Variants in GSK3B observed in about 807,000 individuals in gnomAD.
GSK3B encodes glycogen synthase kinase-3 beta.
A neutral mutation model predicts 56.4 loss-of-function variants in GSK3B; 15 were observed. The ratio of observed to expected loss-of-function variants is 0.27; its 90% CI spans 0.18 to 0.41. GSK3B has a LOEUF of 0.41. Among genes scored for constraint, GSK3B ranks in the 10% least tolerant of loss-of-function variants. GSK3B has a pLI of 1.00. For missense variants in GSK3B, 300 were observed against 513.4 expected (o/e 0.58, Z 4.02); for synonymous variants, 181 against 188.9 (o/e 0.96, Z 0.34).
chr3:119,977,268 T>G (rs575693686), intron 2 of GSK3B, among the ~76,000 whole-genome samples: 2 of 152,208 alleles, frequency 1.3e-5, no homozygotes, highest in Non-Finnish European at 2.9e-5. Flanking sequence ...AATGAAACTT[T>G]GTATGAAAAC....
intron 10 of GSK3B, among the ~76,000 whole-genome samples, chr3:119,833,697 T>G (rs1311085866): frequency 6.8e-6 from 1 of 146,158 alleles, no homozygotes; most frequent in Non-Finnish European, 1.5e-5. Flanking sequence ...GTTGTTTTTT[T>G]TTTTTTTTTT....
At chr3:119,996,272 T>C (rs1004239595) in intron 2 of GSK3B, among the ~76,000 whole-genome samples, 1 of 152,208 alleles carries the variant, frequency 6.6e-6, no homozygotes, top group African/African-American at 2.4e-5. Flanking sequence ...GTACATCTTC[T>C]CCATCAAAAC....
chr3:120,056,260 G>A (rs1435595450), intron 1 of GSK3B, among the ~76,000 whole-genome samples: 1 of 152,174 alleles, frequency 6.6e-6, no homozygotes, highest in Non-Finnish European at 1.5e-5. Flanking sequence ...TTTCTAAGAT[G>A]GCAAAGATCT....
chr3:119,979,127 T>C (rs1354278690), intron 2 of GSK3B, among the ~76,000 whole-genome samples: 1 of 152,166 alleles, frequency 6.6e-6, no homozygotes, highest in African/African-American at 2.4e-5. Context: ...CAAAACACAT[T>C]AGATAATGGC....
chr3:119,977,998 G>A (rs75313599), intron 2 of GSK3B, among the ~76,000 whole-genome samples: 3,944 of 152,084 alleles, frequency 0.026, 175 homozygotes, highest in African/African-American at 0.089. Flanking sequence ...TATTAGTACC[G>A]TCCCCATTTT....
intron 2 of GSK3B, among the ~76,000 whole-genome samples, chr3:119,973,196 G>A (rs183059251): frequency 3.3e-5 from 5 of 152,142 alleles, no homozygotes; most frequent in South Asian, 2.1e-4. Context: ...CTCCTTACCC[G>A]CACTTTCGCT....
intron 2 of GSK3B, among the ~76,000 whole-genome samples, chr3:119,992,503 A>ATAAC (rs1279816892): frequency 1.3e-5 from 2 of 152,240 alleles, no homozygotes; most frequent in African/African-American, 4.8e-5. Flanking sequence ...CTGAACCCTG[A>ATAAC]TAACTACTAG....
intron 1 of GSK3B, among the ~76,000 whole-genome samples, chr3:120,006,385 A>T (rs140288117): frequency 0.015 from 2,298 of 152,288 alleles, 57 homozygotes; most frequent in African/African-American, 0.051. Context: ...GATACTCAGG[A>T]CTTGAACTCA....
chr3:119,900,445 T>C (rs2056613818), intron 7 of GSK3B, among the ~76,000 whole-genome samples: 1 of 152,294 alleles, frequency 6.6e-6, no homozygotes, highest in African/African-American at 2.4e-5. Context: ...TTGTTAGTTT[T>C]GTGATAGTTT....
chr3:119,912,960 T>C, intron 5 of GSK3B, 150 bp from the exon 6 acceptor site: 1 of 450,918 alleles, frequency 2.2e-6, no homozygotes, highest in Non-Finnish European at 4.0e-6. Flanking sequence ...AAACTGTAAC[T>C]ATCTCTAATA....
chr3:119,940,952 C>T (rs545114707), intron 3 of GSK3B, among the ~76,000 whole-genome samples: 1 of 151,798 alleles, frequency 6.6e-6, no homozygotes, highest in African/African-American at 2.4e-5. Context: ...CATATAGTAT[C>T]TCATACCTTT....
At chr3:119,993,563 C>T (rs1313900966) in intron 2 of GSK3B, among the ~76,000 whole-genome samples, 1 of 152,082 alleles carries the variant, frequency 6.6e-6, no homozygotes, top group Non-Finnish European at 1.5e-5. Context: ...TCCAACTCTG[C>T]CCCCAGGGAT....
chr3:120,024,874 A>AGTTTAACAAACTCCTTTTTAACAAAC (rs2057910332), intron 1 of GSK3B, among the ~76,000 whole-genome samples: 1 of 152,200 alleles, frequency 6.6e-6, no homozygotes, highest in Admixed American at 6.5e-5. Context: ...AAAAAGAAAG[A>AGTTTAACAAACTCCTTTTTAACAAAC]TCTTGAAGGA....
intron 10 of GSK3B, among the ~76,000 whole-genome samples, chr3:119,837,400 C>G (rs540447715): frequency 1.3e-5 from 2 of 151,242 alleles, no homozygotes; most frequent in African/African-American, 4.9e-5. Context: ...CTCTTGACCT[C>G]GTGATCCACC....
chr3:120,084,509 T>C (rs1305149406), intron 1 of GSK3B: 1 of 152,198 alleles, frequency 6.6e-6, no homozygotes, highest in Non-Finnish European at 1.5e-5. Context: ...TATTCCTTTA[T>C]AAAAGTAATT....
chr3:119,839,323 A>C (rs1328194386), intron 10 of GSK3B, among the ~76,000 whole-genome samples: 1 of 152,190 alleles, frequency 6.6e-6, no homozygotes, highest in Non-Finnish European at 1.5e-5. Context: ...ACCATAATAT[A>C]GTCAGTATGA....
At chr3:119,973,283 T>A (rs1354537400) in intron 2 of GSK3B, among the ~76,000 whole-genome samples, 2 of 152,204 alleles carry the variant, frequency 1.3e-5, no homozygotes, top group Admixed American at 1.3e-4. Context: ...AAACTATTCA[T>A]AAATTTTAAA....
intron 1 of GSK3B, among the ~76,000 whole-genome samples, chr3:120,022,655 T>C (rs2057889548): frequency 6.6e-6 from 1 of 152,186 alleles, no homozygotes; most frequent in Non-Finnish European, 1.5e-5. Context: ...CAAGTCCAAG[T>C]CCACCTCTTC....
At chr3:119,878,735 T>C (rs1026652092) in intron 7 of GSK3B, among the ~76,000 whole-genome samples, 7 of 152,086 alleles carry the variant, frequency 4.6e-5, no homozygotes, top group African/African-American at 1.7e-4. Context: ...AAATAAATGG[T>C]ACATAGCCAT....
Sources: allele counts gnomAD v4.1 joint callset (sites outside exome capture counted in the v4.1 genomes callset), GRCh38; gene constraint gnomAD v4.1.1; transcripts MANE v1.5; gene names NCBI Gene and HGNC (gene_info 2026-07-23, HGNC 2026-07-21).